Variants in LRIG1 observed in about 807,000 individuals in gnomAD.
LRIG1 encodes leucine rich repeats and immunoglobulin like domains 1.
Under a neutral mutation model 99.2 loss-of-function variants are expected in LRIG1, and 48 were observed. The ratio of observed to expected loss-of-function variants is 0.48; its 90% CI spans 0.38 to 0.62. The LOEUF (loss-of-function observed/expected upper bound fraction) is 0.62, where lower values mean the gene tolerates loss of function less well. Among genes scored for constraint, LRIG1 ranks in the 20% least tolerant of loss-of-function variants. The pLI, the probability that LRIG1 is intolerant of heterozygous loss-of-function variation, is 0.00. For missense variants in LRIG1, 1,646 were observed against 1,434.4 expected, an observed-to-expected ratio of 1.15 and a Z score of -2.38; for synonymous variants, 772 against 596.1, an observed-to-expected ratio of 1.29 and a Z score of -4.30.
intron 8 of LRIG1, 110 bp from the exon 9 acceptor site, chr3:66,405,388 T>A: frequency 3.6e-6 from 3 of 825,406 alleles, no homozygotes; most frequent in Non-Finnish European, 6.2e-6. Context: ...GCATGCACCC[T>A]GGAGGCACAG....
intron 3 of LRIG1, among the ~76,000 whole-genome samples, chr3:66,421,068 G>A (rs1399238447): frequency 6.6e-6 from 1 of 152,176 alleles, no homozygotes; most frequent in Non-Finnish European, 1.5e-5. Context: ...GAACAGCATA[G>A]GAAAAACCTG....
rs145295121 is a variant in LRIG1, at chr3:66,393,929, A to C, written c.1468+111T>G. The C allele has an allele frequency of 2.6e-4, 303 of 1,163,768 alleles. 3 individuals carry two copies. In the East Asian group the frequency reaches 7.6e-3, roughly 29 times the overall value. The allele number at this position is 1,163,768 out of a possible 1,614,324, so 72.1% of individuals were successfully genotyped here. The stretch of plus-strand genomic sequence containing the variant: ...AATTGCATCCAGCAGCTGATCTGTA[A>C]CCACGGGCTGGGGTTTACTCTGATC... On this transcript the variant is annotated intron_variant, in intron 12 of 18. Coordinates refer to ENST00000273261, the MANE Select transcript of LRIG1 (RefSeq NM_015541.3).
At position 66,381,582 on chromosome 3, in the gene LRIG1, G is replaced by T. The variant is rs139455882; in HGVS notation, c.2667C>A (p.Ser889Arg). 8 of 1,614,068 alleles carry T rather than the reference G, an allele frequency of 5.0e-6. No homozygotes were observed. Among genetic ancestry groups the T allele is most frequent in the African/African-American group, 4.0e-5 (3 of 75,034 alleles). Reference sequence around the variant, plus strand: ...AGAGCTTTGGCTGCCTGCAGGCAACGCTGTGAGTGTCGGGCTCTGGAAAGT... The same window carrying T: ...AGAGCTTTGGCTGCCTGCAGGCAACTCTGTGAGTGTCGGGCTCTGGAAAGT... The part of the protein sequence containing the change: ...ASHFPEPDTH[S>R]VACRQPKLCA... The change falls in exon 17 of 19, where the codon AGC becomes AGA. Residue 889 changes from serine to arginine, a missense_variant. Ser to Arg is a moderately radical substitution (Grantham distance 110). Coordinates refer to ENST00000273261, the MANE Select transcript of LRIG1 (RefSeq NM_015541.3).
intron 1 of LRIG1, among the ~76,000 whole-genome samples, chr3:66,489,128 T>C (rs1001582779): frequency 5.3e-5 from 8 of 152,210 alleles, no homozygotes; most frequent in African/African-American, 1.9e-4. Flanking sequence ...TCCTCAATAA[T>C]ATCTCAAGGC....
chr3:66,460,910 A>G lies in LRIG1; in HGVS notation c.290+1528T>C, dbSNP rs116784158. ...ACAGAAGCAGAAATTATAAACGCCA[A>G]TCTGGAGAATCTGGAGATGAGGGTT... is the stretch of plus-strand genomic sequence containing the variant. On this transcript the variant is annotated intron_variant, in intron 2 of 18. Transcript: ENST00000273261. Among the ~76,000 whole-genome samples the G allele has an allele frequency of 3.9e-3, 593 of 152,364 alleles. 2 individuals carry two copies. Among genetic ancestry groups the G allele is most frequent in the African/African-American group, 0.013 (561 of 41,584 alleles).
chr3:66,438,041 T>C (rs1160691846), intron 3 of LRIG1, among the ~76,000 whole-genome samples: 1 of 152,120 alleles, frequency 6.6e-6, no homozygotes, highest in Non-Finnish European at 1.5e-5. Context: ...TCGTCAAATA[T>C]TGATGAAGGT....
rs1005985533 is a variant in LRIG1 at position 66,378,851 on chromosome 3, C to T, written c.*1412G>A. Reference sequence around the variant, plus strand: ...ACACTTCAATGCCATTTGTTAGACACTTCAATATTTTACATGGTTTTCAAT... The same window carrying T: ...ACACTTCAATGCCATTTGTTAGACATTTCAATATTTTACATGGTTTTCAAT... On this transcript the variant is annotated 3_prime_UTR_variant, in exon 19 of 19. Coordinates refer to ENST00000273261, the MANE Select transcript of LRIG1 (RefSeq NM_015541.3). The T allele has an allele frequency of 6.6e-6, 1 of 152,544 alleles. No individual in the cohort carries two copies. Among genetic ancestry groups the T allele is most frequent in the Non-Finnish European group, 1.5e-5 (1 of 68,032 alleles). 9.4% of individuals were successfully genotyped at this position (152,544 alleles called of 1,614,324 possible). A position where few individuals can be genotyped will look rare whatever the true frequency, so the allele number is the denominator to read the frequency against.
At chr3:66,471,523 G>A (rs1014190196) in intron 1 of LRIG1, among the ~76,000 whole-genome samples, 3 of 152,176 alleles carry the variant, frequency 2.0e-5, no homozygotes, top group Non-Finnish European at 4.4e-5. Context: ...GACAGCCTAG[G>A]GCCCCAGCCG....
chr3:66,458,057 C>G (rs190451996), intron 2 of LRIG1, among the ~76,000 whole-genome samples: 13 of 152,366 alleles, frequency 8.5e-5, no homozygotes, highest in Non-Finnish European at 1.5e-4. Context: ...CCATGTGACA[C>G]TGTGCAAGTT....
chr3:66,405,330 A>G (rs1359081855), intron 8 of LRIG1, 52 bp from the exon 9 acceptor site: 1 of 1,420,516 alleles, frequency 7.0e-7, no homozygotes, highest in Non-Finnish European at 1.0e-6. Context: ...GTGAAGGGAA[A>G]GCAAACTCTC....
In LRIG1 at chr3:66,417,951, C is replaced by T. The variant is rs1036941422; in HGVS notation, c.366-685G>A. ...CGGTTTTCTCATTTGGAAGATGGGG[C>T]CACAACCCATCACTTCAGGGATAGG... On this transcript the variant is annotated intron_variant, in intron 3 of 18. Coordinates refer to ENST00000273261, the MANE Select transcript of LRIG1 (RefSeq NM_015541.3). 2.0e-5 allele frequency among the ~76,000 whole-genome samples: 3 copies of T among 152,116 alleles called. No individual in the cohort carries two copies. The South Asian group carries it at 6.2e-4, about 32-fold the overall frequency.
intron 12 of LRIG1, chr3:66,387,940 A>G (rs1300392695): frequency 1.8e-5 from 2 of 112,414 alleles, no homozygotes; most frequent in Non-Finnish European, 3.6e-5. Context: ...TACTAAAAAT[A>G]CAAAAAAAAA....
At chr3:66,399,143 T>C (rs1701965291) in intron 9 of LRIG1, 102 bp from the exon 10 acceptor site, 1 of 942,574 alleles carries the variant, frequency 1.1e-6, no homozygotes, top group South Asian at 1.4e-5. Flanking sequence ...ATTAAGGTAG[T>C]GCTACCTGAT....
chr3:66,418,490 A>G (rs541325857), intron 3 of LRIG1, among the ~76,000 whole-genome samples: 1 of 152,368 alleles, frequency 6.6e-6, no homozygotes, highest in South Asian at 2.1e-4. Flanking sequence ...GGCTAGAGGT[A>G]GCTAACCGCC....
intron 2 of LRIG1, among the ~76,000 whole-genome samples, chr3:66,459,823 T>A (rs150812697): frequency 5.9e-4 from 90 of 152,230 alleles, no homozygotes; most frequent in African/African-American, 2.1e-3. Flanking sequence ...TGAAGATGAA[T>A]GCAAAACAAA....
chr3:66,456,166 C>T (rs867135854), intron 2 of LRIG1, among the ~76,000 whole-genome samples: 1 of 152,224 alleles, frequency 6.6e-6, no homozygotes, highest in Non-Finnish European at 1.5e-5. Flanking sequence ...CTGTCCCTTA[C>T]TTCCCTCTTC....
At chr3:66,475,185 C>T (rs1035063261) in intron 1 of LRIG1, among the ~76,000 whole-genome samples, 1 of 152,224 alleles carries the variant, frequency 6.6e-6, no homozygotes, top group Non-Finnish European at 1.5e-5. Flanking sequence ...TTCTACCAAT[C>T]ACTCCTTTGA....
intron 9 of LRIG1, among the ~76,000 whole-genome samples, chr3:66,402,562 AGGACCCAAGGTC>A (rs1702099786): frequency 4.0e-5 from 1 of 24,828 alleles, no homozygotes; most frequent in Admixed American, 4.0e-4. Context: ...CATGGTGGGA[AGGACCCAAGGTC>A]CTTGAGTAAC....
At chr3:66,474,995 G>A (rs1700688074) in intron 1 of LRIG1, among the ~76,000 whole-genome samples, 1 of 152,182 alleles carries the variant, frequency 6.6e-6, no homozygotes, top group Admixed American at 6.5e-5. Flanking sequence ...CTGTGCACTA[G>A]AGAGAGACAA....
Sources: gnomAD v4.1 joint callset for allele counts (sites outside exome capture counted in the v4.1 genomes callset) on GRCh38, gnomAD v4.1.1 for gene constraint, MANE v1.5 for transcripts, NCBI Gene and HGNC (gene_info 2026-07-23, HGNC 2026-07-21) for gene names.